Variants in RNF144A observed in about 807,000 individuals in gnomAD.
RNF144A encodes the protein E3 ubiquitin-protein ligase RNF144A.
In RNF144A, 11 loss-of-function variants were observed where a neutral mutation model predicts 38.7. That is an observed-to-expected ratio of 0.28 (90% CI 0.18 to 0.47). The LOEUF is 0.47. Among genes scored for constraint, RNF144A ranks in the 20% least tolerant of loss-of-function variants. RNF144A has a pLI of 0.99. For missense variants in RNF144A, 316 were observed against 377.2 expected, an observed-to-expected ratio of 0.84 and a Z score of 1.34; for synonymous variants, 149 against 143.9, an observed-to-expected ratio of 1.04 and a Z score of -0.25.
At chr2:7,016,191 C>T (rs1671128186) in intron 5 of RNF144A, among the ~76,000 whole-genome samples, 1 of 150,310 alleles carries the variant, frequency 6.7e-6, no homozygotes, top group Non-Finnish European at 1.5e-5. Context: ...ATGGCATTGA[C>T]ATTTGTTTTC....
intron 2 of RNF144A, among the ~76,000 whole-genome samples, chr2:6,961,011 A>T (rs973851423): frequency 6.6e-6 from 1 of 152,040 alleles, no homozygotes; most frequent in Non-Finnish European, 1.5e-5. Context: ...GAAAGCTTTC[A>T]GAAAAATCTG....
chr2:7,008,591 A>G (rs1670601255), intron 3 of RNF144A, among the ~76,000 whole-genome samples: 2 of 151,856 alleles, frequency 1.3e-5, no homozygotes, highest in African/African-American at 4.8e-5. Flanking sequence ...GGCCTACTGC[A>G]CCCCATGCTT....
At position 7,040,639 on chromosome 2, in the gene RNF144A, A is replaced by G. The variant is rs1672988317; in HGVS notation, c.*879A>G. The G allele has an allele frequency of 3.0e-6, 3 of 985,338 alleles. No homozygotes were observed. Among genetic ancestry groups the G allele is most frequent in the Admixed American group, 6.1e-5 (1 of 16,270 alleles). The allele number at this position is 985,338 out of a possible 1,614,324, so 61.0% of individuals were successfully genotyped here. On this transcript the variant is annotated 3_prime_UTR_variant, in exon 9 of 9. Coordinates refer to ENST00000320892, the MANE Select transcript of RNF144A (RefSeq NM_014746.6). ...TTCAATCCCACTGCTTTGCTCGGCA[A>G]TGGTTCTCCTCCGAATTGCTGCCGT...
intron 6 of RNF144A, among the ~76,000 whole-genome samples, chr2:7,062,157 G>T (rs892620712): frequency 6.6e-6 from 1 of 152,136 alleles, no homozygotes; most frequent in Non-Finnish European, 1.5e-5. Context: ...GGAACAATTG[G>T]ACTAATTTGG....
At chr2:6,963,440 A>G (rs1361963849) in intron 2 of RNF144A, among the ~76,000 whole-genome samples, 1 of 152,196 alleles carries the variant, frequency 6.6e-6, no homozygotes, top group Non-Finnish European at 1.5e-5. Flanking sequence ...CTTGTCACAC[A>G]ATTAAATTCC....
chr2:7,020,742 C>A, intron 6 of RNF144A, 62 bp downstream of exon 6: 1 of 1,495,244 alleles, frequency 6.7e-7, no homozygotes, highest in Non-Finnish European at 9.2e-7. Context: ...AGCAGGCATG[C>A]TTTCTTCCTA....
At chr2:7,018,938 G>T (rs1396728939) in intron 5 of RNF144A, among the ~76,000 whole-genome samples, 1 of 151,616 alleles carries the variant, frequency 6.6e-6, no homozygotes, top group Admixed American at 6.6e-5. Flanking sequence ...GGGTCAGCCA[G>T]CCATGGCTAG....
chr2:6,979,651 G>T (rs139425048), intron 2 of RNF144A, among the ~76,000 whole-genome samples: 230 of 152,214 alleles, frequency 1.5e-3, no homozygotes, highest in African/African-American at 5.3e-3. Context: ...AGCCTTCCAG[G>T]CTCCACAGAA....
intron 7 of RNF144A, among the ~76,000 whole-genome samples, chr2:7,026,500 GT>G (rs5829094): frequency 0.012 from 1,664 of 142,488 alleles, 24 homozygotes; most frequent in African/African-American, 0.04. Context: ...CTGTATTCCA[GT>G]TTTTTTTTTT....
intron 2 of RNF144A, among the ~76,000 whole-genome samples, chr2:6,986,251 T>G (rs915639892): frequency 7.0e-6 from 1 of 142,906 alleles, no homozygotes; most frequent in Non-Finnish European, 1.5e-5. Context: ...TAAAACCCGG[T>G]TTTTTTTTTT....
intron 6 of RNF144A, among the ~76,000 whole-genome samples, chr2:7,066,340 G>C (rs13412346): frequency 0.22 from 33,549 of 151,914 alleles, 4,329 homozygotes; most frequent in East Asian, 0.49. Context: ...GCCCACCTCA[G>C]CCTCCCAAAG....
intron 2 of RNF144A, among the ~76,000 whole-genome samples, chr2:6,967,482 G>A (rs1667743020): frequency 6.6e-6 from 1 of 152,132 alleles, no homozygotes; most frequent in Non-Finnish European, 1.5e-5. Context: ...ACTTTGAGGA[G>A]CCCCTCAGCC....
chr2:7,070,577 C>G (rs1304941434), downstream of RNF144A, among the ~76,000 whole-genome samples: 8 of 152,198 alleles, frequency 5.3e-5, no homozygotes, highest in Admixed American at 2.0e-4. Flanking sequence ...AGAGTGTTTG[C>G]AGATATAATC....
At chr2:7,059,710 A>T (rs1673879846) in intron 6 of RNF144A, among the ~76,000 whole-genome samples, 1 of 150,040 alleles carries the variant, frequency 6.7e-6, no homozygotes, top group Admixed American at 6.6e-5. Context: ...AAATCTCAAT[A>T]AACTCTAATG....
At chr2:7,032,892 A>G (rs759696530) in intron 8 of RNF144A, among the ~76,000 whole-genome samples, 16 of 152,244 alleles carry the variant, frequency 1.1e-4, no homozygotes, top group Non-Finnish European at 1.9e-4. Flanking sequence ...AACTGCCAGG[A>G]GGCTGCATTC....
Position 7,042,775 on chromosome 2 carries a change from C to T in RNF144A, c.*3015C>T, listed in dbSNP as rs964350183. 16 of 985,304 alleles carry T rather than the reference C, an allele frequency of 1.6e-5. No individual in the cohort carries two copies. In the African/African-American group the frequency reaches 2.6e-4, roughly 16 times the overall value. The allele number at this position is 985,304 out of a possible 1,614,324, so 61.0% of individuals were successfully genotyped here. On this transcript the variant is annotated 3_prime_UTR_variant, in exon 9 of 9. Transcript: ENST00000320892. ...GGATCTGAGATAAAGCATCGGATTG[C>T]AGGAATAACTGTCCAAATTAGTTCT...
intron 2 of RNF144A, 154 bp from the exon 3 acceptor site, chr2:6,996,762 C>G: frequency 1.3e-6 from 1 of 765,652 alleles, no homozygotes; most frequent in East Asian, 2.7e-5. Flanking sequence ...CAAAAAAAAC[C>G]AAAAAATTCT....
chr2:7,002,757 T>C (rs1670193374), intron 3 of RNF144A, among the ~76,000 whole-genome samples: 1 of 152,194 alleles, frequency 6.6e-6, no homozygotes, highest in African/African-American at 2.4e-5. Flanking sequence ...TAGAGTGTAC[T>C]ACTACTTATG....
chr2:6,918,760 T>G (rs1664324820), intron 1 of RNF144A: 1 of 24,304 alleles, frequency 4.1e-5, no homozygotes, highest in African/African-American at 1.7e-4. Context: ...CGAGACTCCG[T>G]CTCAAAAAAA....
Sources: gnomAD v4.1 joint callset for allele counts (sites outside exome capture counted in the v4.1 genomes callset) on GRCh38, gnomAD v4.1.1 for gene constraint, MANE v1.5 for transcripts, NCBI Gene and HGNC (gene_info 2026-07-23, HGNC 2026-07-21) for gene names.